The following SLF1 variants were observed in gnomAD, a reference collection of about 807,000 sequenced individuals.
SLF1 encodes the protein SMC5/6 complex localization factor 1.
A neutral mutation model predicts 123.0 loss-of-function variants in SLF1; 105 were observed. The observed-to-expected ratio is 0.85, with a 90% CI of 0.73 to 1.00. The LOEUF is 1.00. Among genes scored for constraint, SLF1 ranks in the 50% least tolerant of loss-of-function variants. The pLI is 0.00. For missense variants in SLF1, 1,239 were observed against 1,223.0 expected (o/e 1.01, Z -0.20); for synonymous variants, 434 against 406.6 (o/e 1.07, Z -0.81).
In SLF1 at chr5:94,696,022, A is replaced by G. The variant is rs1753490961; in HGVS notation, c.*710A>G. The G allele has an allele frequency of 6.6e-6, 1 of 151,824 alleles. No homozygotes were observed. The highest frequency in any genetic ancestry group is 2.4e-5 in the African/African-American group (1 of 41,390). The allele number at this position is 151,824 out of a possible 1,614,324, so 9.4% of individuals were successfully genotyped here. A position where few individuals can be genotyped will look rare whatever the true frequency, so the allele number is the denominator to read the frequency against. ...TCTGTACCTGAAAACATTCTGCTGC[A>G]TAGGTTTATGAGTTTAATATTAAGA... On this transcript the variant is annotated 3_prime_UTR_variant, in exon 21 of 21. Coordinates refer to ENST00000265140, the MANE Select transcript of SLF1 (RefSeq NM_032290.4).
At chr5:94,626,020 G>A (rs73136312) in intron 1 of SLF1, among the ~76,000 whole-genome samples, 33,725 of 151,672 alleles carry the variant, frequency 0.22, 3,880 homozygotes, top group East Asian at 0.34. Context: ...TTGGGAGGCC[G>A]AGGCAGGCAG....
At position 94,695,566 on chromosome 5, in the gene SLF1, TG is replaced by T. The variant is rs1186643789; in HGVS notation, c.*255del. On this transcript the variant is annotated 3_prime_UTR_variant, in exon 21 of 21. Coordinates refer to ENST00000265140, the MANE Select transcript of SLF1 (RefSeq NM_032290.4). Reference sequence around the variant, plus strand: ...TTTTAGTATATTCTACTTTCATTAATGTTTTTTTGTTCTGAAAGTGATATTA... The same window carrying T: ...TTTTAGTATATTCTACTTTCATTAATTTTTTTTGTTCTGAAAGTGATATTA... 15 of 228,152 alleles carry T rather than the reference TG, an allele frequency of 6.6e-5. No homozygotes were observed. In the South Asian group the frequency reaches 1.2e-3, roughly 18 times the overall value. 14.1% of individuals were successfully genotyped at this position (228,152 alleles called of 1,614,324 possible).
chr5:94,649,865 A>ATG (rs1479074066), intron 6 of SLF1, among the ~76,000 whole-genome samples: 1 of 152,186 alleles, frequency 6.6e-6, no homozygotes, highest in African/African-American at 2.4e-5. Flanking sequence ...TGTAATTACC[A>ATG]TGTTTAGGTA....
intron 1 of SLF1, among the ~76,000 whole-genome samples, chr5:94,621,282 T>C (rs1791762635): frequency 1.3e-5 from 2 of 152,234 alleles, no homozygotes; most frequent in South Asian, 4.1e-4. Context: ...GAAAGACTTA[T>C]ATGTGCATCT....
chr5:94,662,104 GAA>G (rs1416433060), intron 9 of SLF1, among the ~76,000 whole-genome samples, 192 bp from the exon 10 acceptor site: 1 of 152,188 alleles, frequency 6.6e-6, no homozygotes, highest in Non-Finnish European at 1.5e-5. Flanking sequence ...AGAAAATAGA[GAA>G]ATGCTCATAG....
intron 15 of SLF1, among the ~76,000 whole-genome samples, chr5:94,686,169 T>G (rs80235843): frequency 0.042 from 6,453 of 152,308 alleles, 260 homozygotes; most frequent in East Asian, 0.21. Flanking sequence ...AATTAAATAC[T>G]TGTATGTTCA....
rs540954203 is a variant in SLF1, at chr5:94,653,221, G to A, written c.883-51G>A. ...TCACTCTTGAGTTTATTTGGATTTT[G>A]TAACATATGTCATTGATGTTGAGAT... On this transcript the variant is annotated intron_variant, in intron 7 of 20. Transcript: ENST00000265140. 6 of 1,423,092 alleles carry A rather than the reference G, an allele frequency of 4.2e-6. No individual in the cohort carries two copies. In the Admixed American group the frequency reaches 8.7e-5, roughly 21 times the overall value. The allele number at this position is 1,423,092 out of a possible 1,614,324, so 88.2% of individuals were successfully genotyped here. A position where few individuals can be genotyped will look rare whatever the true frequency, so the allele number is the denominator to read the frequency against.
At chr5:94,687,726 GAAAA>G (rs1752601726) in intron 16 of SLF1, among the ~76,000 whole-genome samples, 1 of 148,804 alleles carries the variant, frequency 6.7e-6, no homozygotes, top group Non-Finnish European at 1.5e-5. Context: ...AACAAAGAAA[GAAAA>G]GAAAGGAAAA....
At chr5:94,646,249 C>CT (rs1006020613) in intron 5 of SLF1, among the ~76,000 whole-genome samples, 1 of 151,644 alleles carries the variant, frequency 6.6e-6, no homozygotes, top group East Asian at 1.9e-4. Context: ...CCTTGTCCCC[C>CT]TTTTTTTTAA....
chr5:94,651,071 A>G (rs1053307795), intron 6 of SLF1, among the ~76,000 whole-genome samples: 5 of 152,188 alleles, frequency 3.3e-5, no homozygotes, highest in Admixed American at 2.0e-4. Context: ...ATAATACCAT[A>G]TTTTTACTGT....
chr5:94,684,976 G>A (rs936039443), intron 15 of SLF1, among the ~76,000 whole-genome samples: 3 of 152,182 alleles, frequency 2.0e-5, no homozygotes, highest in East Asian at 3.9e-4. Context: ...GTATTGCAGC[G>A]TCCTGGGCCT....
chr5:94,634,011 G>A (rs1322389041), intron 4 of SLF1, among the ~76,000 whole-genome samples: 3 of 151,912 alleles, frequency 2.0e-5, no homozygotes, highest in South Asian at 2.1e-4. Context: ...TGTATTAATC[G>A]TGTTTGCTTT....
chr5:94,676,237 T>G (rs932672411), intron 14 of SLF1, among the ~76,000 whole-genome samples: 2 of 152,188 alleles, frequency 1.3e-5, no homozygotes, highest in African/African-American at 4.8e-5. Flanking sequence ...ACTGTTCTGT[T>G]TTATATTCTC....
chr5:94,649,379 T>G, intron 5 of SLF1, 75 bp from the exon 6 acceptor site: 2 of 1,225,260 alleles, frequency 1.6e-6, no homozygotes, highest in Non-Finnish European at 2.2e-6. Flanking sequence ...ATAGTTAAAG[T>G]TGAGTACCAT....
chr5:94,636,447 C>T (rs1191577585), intron 4 of SLF1, among the ~76,000 whole-genome samples: 1 of 152,046 alleles, frequency 6.6e-6, no homozygotes, highest in Non-Finnish European at 1.5e-5. Context: ...CTTTCTTCAT[C>T]CTTTGGGTTT....
rs1316007581 is a variant in SLF1 at position 94,686,686 on chromosome 5, G to A, written c.2089G>A (p.Val697Ile). Reference sequence around the variant, plus strand: ...GTTGTGTCTACAGAGCTCTGGCAGTGTTTCTTCTGAGCCACTCTCTCTTCA... The same window carrying A: ...GTTGTGTCTACAGAGCTCTGGCAGTATTTCTTCTGAGCCACTCTCTCTTCA... Reference protein sequence around the residue: ...KKLCLQSSGSVSSEPLSLQKM... With the variant: ...KKLCLQSSGSISSEPLSLQKM... The change falls in exon 16 of 21, where the codon GTT becomes ATT. Residue 697 changes from valine (V) to isoleucine (I), a missense_variant. Transcript: ENST00000265140. 1 of 1,613,974 alleles carries A rather than the reference G, an allele frequency of 6.2e-7. No individual in the cohort carries two copies. Among genetic ancestry groups the A allele is most frequent in the Non-Finnish European group, 8.5e-7 (1 of 1,179,910 alleles).
At chr5:94,688,802 C>G in intron 17 of SLF1, 133 bp downstream of exon 17, 1 of 943,656 alleles carries the variant, frequency 1.1e-6, no homozygotes, top group Non-Finnish European at 1.5e-6. Flanking sequence ...AATTTTAGAT[C>G]TATTTGATCA....
intron 15 of SLF1, among the ~76,000 whole-genome samples, chr5:94,683,873 A>G (rs1288037751): frequency 6.6e-6 from 1 of 152,202 alleles, no homozygotes; most frequent in South Asian, 2.1e-4. Flanking sequence ...TTCATCTGTC[A>G]AATACTAAAT....
At chr5:94,676,557 G>A (rs73144170) in intron 14 of SLF1, among the ~76,000 whole-genome samples, 11,302 of 152,272 alleles carry the variant, frequency 0.074, 470 homozygotes, top group South Asian at 0.12. Context: ...TGTCTTGGTC[G>A]CTGATCATGT....
Sources: gnomAD v4.1 joint callset for allele counts (sites outside exome capture counted in the v4.1 genomes callset) on GRCh38, gnomAD v4.1.1 for gene constraint, MANE v1.5 for transcripts, NCBI Gene and HGNC (gene_info 2026-07-23, HGNC 2026-07-21) for gene names.